The following PAGE4 variants were observed in gnomAD, a reference collection of about 807,000 sequenced individuals.
PAGE4 encodes P antigen family member 4.
In PAGE4, 1 loss-of-function variant was observed where a neutral mutation model predicts 8.5. The ratio of observed to expected loss-of-function variants is 0.12; its 90% CI spans 0.04 to 0.56. The LOEUF (loss-of-function observed/expected upper bound fraction) is 0.56. Ranked by LOEUF, PAGE4 falls within the 20% of genes least tolerant of loss-of-function variation. The pLI, the probability that PAGE4 is intolerant of heterozygous loss-of-function variation, is 0.91. For synonymous variants in PAGE4, 26 were observed against 26.3 expected, an observed-to-expected ratio of 0.99 and a Z score of 0.04; for missense variants, 93 against 82.7, an observed-to-expected ratio of 1.13 and a Z score of -0.49.
Position 49,832,665 on chromosome X carries a change from C to A in PAGE4, c.292+15C>A, listed in dbSNP as rs372009798. ...TAAAGAAGCAGGTACGTTATTCATT[C>A]GGAATGGAAGTCATGGGGTTACTCT... On this transcript the variant is annotated intron_variant, in intron 4 of 4. Coordinates refer to ENST00000218068, the MANE Select transcript of PAGE4 (RefSeq NM_007003.4). 22 of 1,178,067 alleles carry A rather than the reference C, an allele frequency of 1.9e-5. No homozygotes were observed. The African/African-American group carries it at 3.2e-4, about 17-fold the overall frequency.
In PAGE4 at chrX:49,830,481, C is replaced by T; in HGVS notation, c.53C>T (p.Ala18Val). The T allele has an allele frequency of 8.3e-7, 1 of 1,200,144 alleles. No individual in the cohort carries two copies. Among genetic ancestry groups the T allele is most frequent in the Non-Finnish European group, 1.1e-6 (1 of 886,684 alleles). ...AGAGGAAGAGGAGATGGTCAGGAGG[C>T]TCCCGATGTGGTTGCATTCGTGGCT... ...RSRGRGDGQE[A>V]PDVVAFVAPG... Residue 18 changes from alanine (A) to valine (V), a missense_variant, in exon 2 of 5, where the codon GCT (alanine) becomes GTT (valine). By Grantham distance (64) the Ala-to-Val change is moderately conservative. Transcript: ENST00000218068.
chrX:49,832,698 T>C (rs1557156769), intron 4 of PAGE4, 48 bp downstream of exon 4: 13 of 1,015,526 alleles, frequency 1.3e-5, no homozygotes, highest in African/African-American at 7.7e-5. Flanking sequence ...TCTTTTTCTA[T>C]AATATACTTT....
intron 3 of PAGE4, 172 bp downstream of exon 3, chrX:49,831,256 A>G: frequency 2.4e-6 from 1 of 422,256 alleles, no homozygotes; most frequent in Non-Finnish European, 4.1e-6. Flanking sequence ...TCTCTTCAGC[A>G]TTTTACTTAT....
chrX:49,830,062 G>A (rs1007333736), intron 1 of PAGE4: 1 of 127,269 alleles, frequency 7.9e-6, no homozygotes. Context: ...TGCCGAAAGA[G>A]GACAGGTTTC....
chrX:49,830,287 G>A (rs1472865177), intron 1 of PAGE4, 112 bp from the exon 2 acceptor site: 5 of 398,472 alleles, frequency 1.3e-5, no homozygotes, highest in African/African-American at 5.1e-5. Flanking sequence ...GAAACCAGGC[G>A]TAGTTATTAT....
At position 49,830,948 on chromosome X, in the gene PAGE4, A is replaced by T. The variant is rs782100408; in HGVS notation, c.79-49A>T. Reference sequence around the variant, plus strand: ...TATTTGTGACTTCTATTGCCATGATATTAATAACAATATTCTATTTGCATC... The same window carrying T: ...TATTTGTGACTTCTATTGCCATGATTTTAATAACAATATTCTATTTGCATC... On this transcript the variant is annotated intron_variant, in intron 2 of 4. Transcript: ENST00000218068. 105 of 822,444 alleles carry T rather than the reference A, an allele frequency of 1.3e-4. No individual in the cohort carries two copies. In the South Asian group the frequency reaches 2.3e-3, roughly 18 times the overall value. The allele number at this position is 822,444 out of a possible 1,213,427, so 67.8% of individuals were successfully genotyped here.
At chrX:49,832,385 C>T (rs1923502146) in intron 3 of PAGE4, 140 bp from the exon 4 acceptor site, 1 of 413,986 alleles carries the variant, frequency 2.4e-6, no homozygotes. Flanking sequence ...TATTCTTCCC[C>T]ATTTTCTAGT....
chrX:49,832,538 A>C lies in PAGE4; in HGVS notation c.180A>C (p.Glu60Asp), dbSNP rs1471932787. 7 of 1,183,744 alleles carry C rather than the reference A, an allele frequency of 5.9e-6. No individual in the cohort carries two copies. The Admixed American group carries it at 1.3e-4, about 23-fold the overall frequency. Residue 60 changes from glutamate to aspartate, a missense_variant, in exon 4 of 5, where the codon GAA (glutamate) becomes GAC (aspartate). Transcript: ENST00000218068. The part of the protein sequence containing the change: ...GTPPIEERKV[E>D]GDCQEMDLEK... ...TATTTATATAAGAACGTAAAGTAGA[A>C]GGTGATTGCCAGGAAATGGATCTGG...
At chrX:49,832,747 G>A in intron 4 of PAGE4, 97 bp downstream of exon 4, 2 of 750,953 alleles carry the variant, frequency 2.7e-6, no homozygotes, top group South Asian at 2.8e-5. Flanking sequence ...TTGAAAGGTA[G>A]TTCAGACACC....
chrX:49,832,887 A>C (rs1923520378), intron 4 of PAGE4, among the ~76,000 whole-genome samples: 2 of 111,947 alleles, frequency 1.8e-5, no homozygotes, highest in South Asian at 7.5e-4. Flanking sequence ...AAGTGATCAA[A>C]TACTTTTAAA....
At chrX:49,833,181 G>A (rs1431302274) in intron 4 of PAGE4, among the ~76,000 whole-genome samples, 4 of 111,347 alleles carry the variant, frequency 3.6e-5, no homozygotes, top group East Asian at 2.8e-4. Context: ...ATTTTTTAAC[G>A]TGCATATCTG....
At chrX:49,832,916 C>T (rs1000581813) in intron 4 of PAGE4, among the ~76,000 whole-genome samples, 4 of 111,793 alleles carry the variant, frequency 3.6e-5, no homozygotes, top group Non-Finnish European at 7.5e-5. Flanking sequence ...CATTACTTAA[C>T]ATACCCCAGG....
rs781986324 is a variant in PAGE4 at position 49,830,520 on chromosome X, A to G, written c.78+14A>G. 1.1e-5 allele frequency: 12 copies of G among 1,102,503 alleles called. No homozygotes were observed. Among genetic ancestry groups the G allele is most frequent in the African/African-American group, 7.3e-5 (4 of 54,943 alleles). The allele number at this position is 1,102,503 out of a possible 1,213,427, so 90.9% of individuals were successfully genotyped here. A position where few individuals can be genotyped will look rare whatever the true frequency, so the allele number is the denominator to read the frequency against. On this transcript the variant is annotated intron_variant, in intron 2 of 4. Transcript: ENST00000218068. ...GCATTCGTGGCTGTGAGTACATTTC[A>G]GTATCTTATTTCCATTGGCAGAAAT...
At chrX:49,829,677 G>A (rs1158141354) in intron 1 of PAGE4, 1 of 113,091 alleles carries the variant, frequency 8.8e-6, no homozygotes, top group Non-Finnish European at 1.9e-5. Flanking sequence ...CAGTGCTCGT[G>A]TTCACTGGGG....
Position 49,832,509 on chromosome X carries a change from T to A in PAGE4, c.167-16T>A. On this transcript the variant is annotated splice_polypyrimidine_tract_variant and intron_variant, in intron 3 of 4. Coordinates refer to ENST00000218068, the MANE Select transcript of PAGE4 (RefSeq NM_007003.4). ...TTACTGCTTACTTATATCAATAACT[T>A]TTTTATTTATATAAGAACGTAAAGT... is the stretch of plus-strand genomic sequence containing the variant. 9.0e-7 allele frequency: 1 copy of A among 1,106,815 alleles called. No homozygotes were observed. The highest frequency in any genetic ancestry group is 1.2e-6 in the Non-Finnish European group (1 of 819,788). 91.2% of individuals were successfully genotyped at this position (1,106,815 alleles called of 1,213,427 possible). A position where few individuals can be genotyped will look rare whatever the true frequency, so the allele number is the denominator to read the frequency against.
At position 49,833,938 on chromosome X, in the gene PAGE4, C is replaced by T. The variant is rs868947174; in HGVS notation, c.*76C>T. The T allele has an allele frequency of 1.8e-5, 14 of 794,111 alleles. No homozygotes were observed. Among genetic ancestry groups the T allele is most frequent in the Non-Finnish European group, 2.4e-5 (13 of 539,278 alleles). 65.4% of individuals were successfully genotyped at this position (794,111 alleles called of 1,213,427 possible). On this transcript the variant is annotated 3_prime_UTR_variant, in exon 5 of 5. Coordinates refer to ENST00000218068, the MANE Select transcript of PAGE4 (RefSeq NM_007003.4). ...AAATGTGACTGAAAATTTGAAAATT[C>T]TCTCAATAAAGTTTGAGTTTTCTCT...
At chrX:49,832,451 A>G (rs182854322) in intron 3 of PAGE4, 74 bp from the exon 4 acceptor site, 275 of 688,469 alleles carry the variant, frequency 4.0e-4, no homozygotes, top group Non-Finnish European at 5.6e-4. Context: ...ATACAAGCCT[A>G]CAGAGCTTTA....
At chrX:49,833,180 C>T (rs1476933396) in intron 4 of PAGE4, among the ~76,000 whole-genome samples, 7 of 111,484 alleles carry the variant, frequency 6.3e-5, no homozygotes, top group African/African-American at 9.8e-5. Flanking sequence ...TATTTTTTAA[C>T]GTGCATATCT....
At position 49,830,981 on chromosome X, in the gene PAGE4, C is replaced by T; in HGVS notation, c.79-16C>T. ...CAATATTCTATTTGCATCTACTCTC[C>T]CCCACCTCTCAAAAGCCCGGTGAAT... On this transcript the variant is annotated splice_polypyrimidine_tract_variant and intron_variant, in intron 2 of 4. Coordinates refer to ENST00000218068, the MANE Select transcript of PAGE4 (RefSeq NM_007003.4). 1 of 1,119,143 alleles carries T rather than the reference C, an allele frequency of 8.9e-7. No individual in the cohort carries two copies. The highest frequency in any genetic ancestry group is 1.8e-5 in the African/African-American group (1 of 55,677). 92.2% of individuals were successfully genotyped at this position (1,119,143 alleles called of 1,213,427 possible).
Sources: allele counts gnomAD v4.1 joint callset (sites outside exome capture counted in the v4.1 genomes callset), GRCh38; gene constraint gnomAD v4.1.1; transcripts MANE v1.5; gene names NCBI Gene and HGNC (gene_info 2026-07-23, HGNC 2026-07-21).